UBE3C: variants seen among roughly 807,000 people sequenced by gnomAD.
UBE3C encodes ubiquitin protein ligase E3C.
A neutral mutation model predicts 129.4 loss-of-function variants in UBE3C; 42 were observed. That is an observed-to-expected ratio of 0.32 (90% CI 0.25 to 0.42). UBE3C has a LOEUF of 0.42. Ranked by LOEUF, UBE3C falls within the 10% of genes least tolerant of loss-of-function variation. The probability of loss-of-function intolerance (pLI) is 1.00; values close to 1 mark genes in which losing one functional copy is unlikely to be tolerated. For missense variants in UBE3C, 1,049 were observed against 1,319.1 expected (o/e 0.80, Z 3.17); for synonymous variants, 510 against 492.4 (o/e 1.04, Z -0.47).
intron 10 of UBE3C, among the ~76,000 whole-genome samples, chr7:157,193,357 G>C (rs1350351367): frequency 6.6e-6 from 1 of 152,190 alleles, no homozygotes; most frequent in Admixed American, 6.5e-5. Flanking sequence ...GTGTCTCGCT[G>C]TTTCTTTTAC....
chr7:157,168,517 A>G (rs906127896), intron 2 of UBE3C, among the ~76,000 whole-genome samples: 8 of 152,204 alleles, frequency 5.3e-5, no homozygotes, highest in Non-Finnish European at 1.0e-4. Flanking sequence ...TTAATTCATA[A>G]TAGACCAAAG....
intron 13 of UBE3C, among the ~76,000 whole-genome samples, chr7:157,210,009 T>G (rs568906526): frequency 2.0e-5 from 3 of 152,290 alleles, no homozygotes; most frequent in South Asian, 4.1e-4. Context: ...TGAAACCCCA[T>G]CTCTACTAAA....
At chr7:157,150,078 T>G (rs981597181) in intron 1 of UBE3C, among the ~76,000 whole-genome samples, 5 of 152,084 alleles carry the variant, frequency 3.3e-5, no homozygotes, top group Middle Eastern at 3.2e-3. Context: ...TATAACAGAT[T>G]TATCAAGAGT....
chr7:157,262,712 C>T (rs566702478), intron 22 of UBE3C, among the ~76,000 whole-genome samples: 7 of 152,256 alleles, frequency 4.6e-5, no homozygotes, highest in African/African-American at 1.4e-4. Flanking sequence ...TGAGCCACCG[C>T]GCCCATCCTC....
intron 13 of UBE3C, among the ~76,000 whole-genome samples, chr7:157,210,396 G>C (rs1809558408): frequency 6.6e-6 from 1 of 151,986 alleles, no homozygotes; most frequent in Non-Finnish European, 1.5e-5. Context: ...TAATTTTTGA[G>C]TAATCAGCTG....
chr7:157,144,019 A>G (rs113620886), intron 1 of UBE3C, among the ~76,000 whole-genome samples: 42 of 152,350 alleles, frequency 2.8e-4, no homozygotes, highest in African/African-American at 9.6e-4. Context: ...GCACAGACAC[A>G]GTGAGTCCAC....
intron 18 of UBE3C, among the ~76,000 whole-genome samples, chr7:157,240,172 A>G (rs962251327): frequency 8.5e-5 from 13 of 152,216 alleles, no homozygotes; most frequent in Admixed American, 3.9e-4. Context: ...CTCGTGCCTC[A>G]GCCTCCCAAG....
chr7:157,212,096 G>A (rs10229630), intron 13 of UBE3C, among the ~76,000 whole-genome samples: 70,755 of 151,932 alleles, frequency 0.47, 18,668 homozygotes, highest in African/African-American at 0.73. Flanking sequence ...TTCCCACATT[G>A]CACATTTATT....
intron 18 of UBE3C, among the ~76,000 whole-genome samples, chr7:157,244,767 A>C (rs186907731): frequency 6.6e-6 from 1 of 152,334 alleles, no homozygotes; most frequent in East Asian, 1.9e-4. Flanking sequence ...TTTTATTTCA[A>C]ATCATTTTGG....
Position 157,207,690 on chromosome 7 carries a change from T to C in UBE3C, c.1577-13T>C. The C allele has an allele frequency of 1.2e-6, 2 of 1,607,356 alleles. No individual in the cohort carries two copies. The highest frequency in any genetic ancestry group is 8.5e-7 in the Non-Finnish European group (1 of 1,177,932). On this transcript the variant is annotated splice_polypyrimidine_tract_variant and intron_variant, in intron 12 of 22. Coordinates refer to ENST00000348165, the MANE Select transcript of UBE3C (RefSeq NM_014671.3). ...GAAAAAGAAACAATAGAAAACTGGA[T>C]TGTGTTTTTTAGTTGTAGGTCAAAG...
chr7:157,216,336 A>T (rs1302411047), intron 13 of UBE3C, among the ~76,000 whole-genome samples: 2 of 149,220 alleles, frequency 1.3e-5, no homozygotes, highest in Non-Finnish European at 2.9e-5. Flanking sequence ...GAGCTAAGAC[A>T]TTTCCAGATT....
chr7:157,184,040 T>TG lies in UBE3C; in HGVS notation c.1143+12dup. The TG allele has an allele frequency of 6.2e-7, 1 of 1,612,884 alleles. No individual in the cohort carries two copies. Among genetic ancestry groups the TG allele is most frequent in the Non-Finnish European group, 8.5e-7 (1 of 1,179,170 alleles). ...AAGCCCTCAAGCCCGGTAAGCCCCGTGCCCTGCATCTGGGGGGCTGCGATG... is the reference window on the plus strand; with the variant it reads ...AAGCCCTCAAGCCCGGTAAGCCCCGTGGCCCTGCATCTGGGGGGCTGCGATG... On this transcript the variant is annotated intron_variant, in intron 9 of 22. Transcript: ENST00000348165.
intron 1 of UBE3C, among the ~76,000 whole-genome samples, chr7:157,163,278 T>G (rs1238079694): frequency 6.6e-6 from 1 of 151,454 alleles, no homozygotes; most frequent in Non-Finnish European, 1.5e-5. Context: ...TCCCAGCTAC[T>G]TGGGAGGCTG....
intron 10 of UBE3C, among the ~76,000 whole-genome samples, chr7:157,199,400 C>T (rs527634969): frequency 6.6e-6 from 1 of 152,188 alleles, no homozygotes; most frequent in Non-Finnish European, 1.5e-5. Context: ...TATCTATTAT[C>T]ATTTTCTAAT....
intron 22 of UBE3C, among the ~76,000 whole-genome samples, 168 bp from the exon 23 acceptor site, chr7:157,267,417 A>G (rs1034880343): frequency 6.6e-6 from 1 of 152,208 alleles, no homozygotes; most frequent in African/African-American, 2.4e-5. Context: ...GCTAGACTCC[A>G]TCTCAAAGAA....
chr7:157,260,118 G>GA (rs1001198386), intron 22 of UBE3C, among the ~76,000 whole-genome samples: 8 of 87,904 alleles, frequency 9.1e-5, no homozygotes, highest in African/African-American at 3.7e-4. Flanking sequence ...TTGTTGGAGA[G>GA]AAAAAATAAC....
intron 2 of UBE3C, chr7:157,164,332 AT>A (rs2116864860): frequency 2.2e-6 from 1 of 455,992 alleles, no homozygotes; most frequent in African/African-American, 2.0e-5. Context: ...AATTTTTAAG[AT>A]TTTTACATAG....
At position 157,201,787 on chromosome 7, in the gene UBE3C, G is replaced by A. The variant is rs1187468146; in HGVS notation, c.1398G>A (p.Met466Ile). ...ATCTTTGGTTTCTAATATCTTCCAT[G>A]TCAACACGGATGATCACAGGGTATG... The part of the protein sequence containing the change: ...LRHLWFLISS[M>I]STRMITGSMV... Residue 466 changes from methionine (M) to isoleucine (I), a missense_variant, in exon 11 of 23, where the codon ATG becomes ATA. Around this residue, in one of 4 missense-constraint regions of UBE3C, gnomAD observed 314 missense variants for 416.9 expected, o/e 0.75. Transcript: ENST00000348165. The A allele has an allele frequency of 1.9e-6, 3 of 1,611,826 alleles. No individual in the cohort carries two copies. Among genetic ancestry groups the A allele is most frequent in the Admixed American group, 1.7e-5 (1 of 59,786 alleles).
At chr7:157,237,016 G>A (rs1796170099) in intron 18 of UBE3C, among the ~76,000 whole-genome samples, 2 of 152,150 alleles carry the variant, frequency 1.3e-5, no homozygotes, top group South Asian at 4.1e-4. Context: ...ACAGGCGTGA[G>A]CCAGCACACC....
Sources: allele counts gnomAD v4.1 joint callset (sites outside exome capture counted in the v4.1 genomes callset), GRCh38; gene constraint gnomAD v4.1.1; regional missense constraint gnomAD v4.1.1; transcripts MANE v1.5; gene names NCBI Gene and HGNC (gene_info 2026-07-23, HGNC 2026-07-21).